GRIN2A: variants seen among roughly 807,000 people sequenced by gnomAD.
The protein encoded by GRIN2A is glutamate ionotropic receptor NMDA type subunit 2A.
GRIN2A carries 22 observed loss-of-function variants against 113.4 expected under a neutral mutation model. The ratio of observed to expected loss-of-function variants is 0.19; its 90% confidence interval spans 0.14 to 0.28. GRIN2A has a LOEUF of 0.28. Among genes scored for constraint, GRIN2A ranks in the 10% least tolerant of loss-of-function variants. The probability of loss-of-function intolerance (pLI) is 1.00; values close to 1 mark genes in which losing one functional copy is unlikely to be tolerated. For missense variants in GRIN2A, 1,502 were observed against 1,887.0 expected, an observed-to-expected ratio of 0.80 and a Z score of 3.78; for synonymous variants, 827 against 738.4, an observed-to-expected ratio of 1.12 and a Z score of -1.94.
chr16:9,968,561 C>A (rs1374885272), intron 2 of GRIN2A, among the ~76,000 whole-genome samples: 1 of 152,104 alleles, frequency 6.6e-6, no homozygotes, highest in Admixed American at 6.6e-5. Context: ...GATCCACCCA[C>A]CTCGGCCTCC....
intron 2 of GRIN2A, among the ~76,000 whole-genome samples, chr16:10,092,498 T>C (rs1033385949): frequency 6.6e-6 from 1 of 152,210 alleles, no homozygotes; most frequent in Non-Finnish European, 1.5e-5. Flanking sequence ...TTCTCAAGAA[T>C]AGAAGGAAAA....
Position 9,938,485 on chromosome 16 carries a change from T to A in GRIN2A, c.481A>T (p.Ile161Phe), listed in dbSNP as rs2141632802. Residue 161 changes from isoleucine to phenylalanine, a missense_variant, in exon 3 of 13, where the codon ATC (isoleucine) becomes TTC (phenylalanine). Physicochemically the swap from Ile to Phe is conservative, Grantham distance 21. Coordinates refer to ENST00000330684, the MANE Select transcript of GRIN2A (RefSeq NM_001134407.3). ...ACATGCCAGTCATAATCCTGCATGA[T>A]CTTCAGCATGACCGTGGCTTGCTGC... ...IQQQATVMLK[I>F]MQDYDWHVFS... 6.2e-7 allele frequency: 1 copy of A among 1,613,004 alleles called. No individual in the cohort carries two copies. Among genetic ancestry groups the A allele is most frequent in the Non-Finnish European group, 8.5e-7 (1 of 1,179,980 alleles).
chr16:9,760,640 C>T lies in GRIN2A; in HGVS notation c.*2509G>A, dbSNP rs530124672. On this transcript the variant is annotated 3_prime_UTR_variant, in exon 13 of 13. Transcript: ENST00000330684. ...TGCTGTTAGGGGAAGGCTTTCTGAC[C>T]GATGAAGTCAGTCCAAGTATAACTC... 78 of 223,712 alleles carry T rather than the reference C, an allele frequency of 3.5e-4. No homozygotes were observed. Among genetic ancestry groups the T allele is most frequent in the Non-Finnish European group, 5.4e-4 (61 of 112,398 alleles). The allele number at this position is 223,712 out of a possible 1,614,324, so 13.9% of individuals were successfully genotyped here.
At chr16:10,072,602 G>T (rs79326739) in intron 2 of GRIN2A, among the ~76,000 whole-genome samples, 3 of 152,204 alleles carry the variant, frequency 2.0e-5, no homozygotes, top group Non-Finnish European at 4.4e-5. Context: ...AGCCTCTCTT[G>T]GGATCTCAGA....
intron 10 of GRIN2A, among the ~76,000 whole-genome samples, chr16:9,816,784 A>G (rs2042194521): frequency 1.3e-5 from 2 of 152,134 alleles, no homozygotes; most frequent in African/African-American, 4.8e-5. Context: ...AGATCTTCAG[A>G]CCCCTCCTTA....
intron 3 of GRIN2A, among the ~76,000 whole-genome samples, chr16:9,914,774 A>G (rs2141562012): frequency 6.6e-6 from 1 of 152,122 alleles, no homozygotes; most frequent in South Asian, 2.1e-4. Context: ...GACAAGCCAC[A>G]AAGAGACTCA....
At chr16:10,159,733 T>G (rs956212519) in intron 2 of GRIN2A, among the ~76,000 whole-genome samples, 18 of 152,336 alleles carry the variant, frequency 1.2e-4, no homozygotes, top group African/African-American at 3.8e-4. Context: ...ATTTTATAGA[T>G]AGCTAAATGA....
chr16:10,013,542 C>T (rs1596415996), intron 2 of GRIN2A, among the ~76,000 whole-genome samples: 1 of 152,194 alleles, frequency 6.6e-6, no homozygotes. Flanking sequence ...GACAGCCCTT[C>T]GTATGTTTGA....
chr16:10,048,618 T>C (rs2047300259), intron 2 of GRIN2A, among the ~76,000 whole-genome samples: 1 of 152,168 alleles, frequency 6.6e-6, no homozygotes, highest in East Asian at 1.9e-4. Context: ...GGAAGAAGAC[T>C]AGAGATATTA....
At chr16:9,886,493 T>C (rs1378275400) in intron 4 of GRIN2A, among the ~76,000 whole-genome samples, 2 of 152,204 alleles carry the variant, frequency 1.3e-5, no homozygotes, top group Non-Finnish European at 1.5e-5. Flanking sequence ...GAAAGGAGGT[T>C]AAAACCAAGG....
chr16:10,027,527 T>G (rs984208613), intron 2 of GRIN2A: 3 of 152,284 alleles, frequency 2.0e-5, no homozygotes, highest in African/African-American at 7.2e-5. Context: ...TCTAGCCATA[T>G]GCAAAATAAG....
At chr16:10,038,359 AGCACTTT>A (rs2047072827) in intron 2 of GRIN2A, among the ~76,000 whole-genome samples, 2 of 152,134 alleles carry the variant, frequency 1.3e-5, no homozygotes, top group South Asian at 4.1e-4. Context: ...TTCAAACCAC[AGCACTTT>A]TCCTCCTCTT....
chr16:10,010,787 C>A (rs1206574460), intron 2 of GRIN2A, among the ~76,000 whole-genome samples: 1 of 152,176 alleles, frequency 6.6e-6, no homozygotes, highest in South Asian at 2.1e-4. Flanking sequence ...CTCCAGAATT[C>A]TTACCTTGTC....
At chr16:10,158,846 C>A (rs1212904409) in intron 2 of GRIN2A, among the ~76,000 whole-genome samples, 1 of 152,164 alleles carries the variant, frequency 6.6e-6, no homozygotes, top group Non-Finnish European at 1.5e-5. Flanking sequence ...AGGTGCTGGT[C>A]ACACAACATT....
At chr16:9,774,602 A>G (rs993165746) in intron 11 of GRIN2A, among the ~76,000 whole-genome samples, 2 of 152,260 alleles carry the variant, frequency 1.3e-5, no homozygotes, top group African/African-American at 4.8e-5. Flanking sequence ...AAATTAACTC[A>G]TGTAAACTTA....
At chr16:9,960,523 G>T (rs2045416762) in intron 2 of GRIN2A, among the ~76,000 whole-genome samples, 1 of 152,204 alleles carries the variant, frequency 6.6e-6, no homozygotes, top group Non-Finnish European at 1.5e-5. Flanking sequence ...GGCAGCCTAG[G>T]TAGGTAGGGA....
rs1164403941 is a variant in GRIN2A, at chr16:10,180,790, A to G, written c.-18-361T>C. The G allele has an allele frequency of 2.0e-5, 8 of 405,184 alleles. No homozygotes were observed. Among genetic ancestry groups the G allele is most frequent in the Non-Finnish European group, 3.7e-5 (8 of 215,816 alleles). 25.1% of individuals were successfully genotyped at this position (405,184 alleles called of 1,614,324 possible). A position where few individuals can be genotyped will look rare whatever the true frequency, so the allele number is the denominator to read the frequency against. ...AAGCGCCGCGCGTGTTCTGTACCCC[A>G]CCAAGCTCCTAGGTGCACAGAATAA... On this transcript the variant is annotated intron_variant, in intron 1 of 12. Coordinates refer to ENST00000330684, the MANE Select transcript of GRIN2A (RefSeq NM_001134407.3). The surrounding 1 kb of genome is among the most constrained non-coding windows in gnomAD (Gnocchi z 7.0).
intron 3 of GRIN2A, 126 bp from the exon 4 acceptor site, chr16:9,891,226 G>A: frequency 1.4e-6 from 1 of 700,026 alleles, no homozygotes; most frequent in Admixed American, 2.0e-5. Context: ...TTCATCACAA[G>A]AAGCCTCTCT....
At chr16:9,871,431 G>GAAAA (rs759065813) in intron 4 of GRIN2A, among the ~76,000 whole-genome samples, 5 of 98,592 alleles carry the variant, frequency 5.1e-5, no homozygotes, top group African/African-American at 1.8e-4. Context: ...CACTGAAAAT[G>GAAAA]AAAAAAAAAA....
Sources: allele counts gnomAD v4.1 joint callset (sites outside exome capture counted in the v4.1 genomes callset), GRCh38; gene constraint gnomAD v4.1.1; non-coding constraint Gnocchi (gnomAD v3.1); transcripts MANE v1.5; gene names NCBI Gene and HGNC (gene_info 2026-07-23, HGNC 2026-07-21).